Variants in SPG11 observed in about 807,000 individuals in gnomAD.
The protein encoded by SPG11 is spatacsin.
SPG11 carries 222 observed loss-of-function variants against 274.0 expected under a neutral mutation model. That is an observed-to-expected ratio of 0.81 (90% CI 0.73 to 0.91). SPG11 has a LOEUF of 0.91. SPG11 is among the 40% of genes least tolerant of loss of function. The pLI, the probability that SPG11 is intolerant of heterozygous loss-of-function variation, is 0.00. For missense variants in SPG11, 3,114 were observed against 2,872.7 expected, an observed-to-expected ratio of 1.08 and a Z score of -1.92; for synonymous variants, 1,144 against 1,039.7, an observed-to-expected ratio of 1.10 and a Z score of -1.93.
At chr15:44,589,186 TA>T in intron 28 of SPG11, 65 bp downstream of exon 28, 1 of 1,555,918 alleles carries the variant, frequency 6.4e-7, no homozygotes, top group Non-Finnish European at 8.8e-7. Context: ...ACTACCCCTC[TA>T]AAGTATTTTC....
chr15:44,624,306 A>G (rs191963614), intron 11 of SPG11, among the ~76,000 whole-genome samples: 1 of 151,514 alleles, frequency 6.6e-6, no homozygotes, highest in Non-Finnish European at 1.5e-5. Flanking sequence ...TGGGCAACAT[A>G]GTGAGACCCT....
Position 44,577,794 on chromosome 15 carries a change from T to A in SPG11, c.5867-2753A>T, listed in dbSNP as rs560359024. Among the ~76,000 whole-genome samples, 26 of 152,216 alleles carry A rather than the reference T, an allele frequency of 1.7e-4. No individual in the cohort carries two copies. The South Asian group carries it at 5.4e-3, about 32-fold the overall frequency. On this transcript the variant is annotated intron_variant, in intron 30 of 39. Coordinates refer to ENST00000261866, the MANE Select transcript of SPG11 (RefSeq NM_025137.4). ...CCCCTCTAGCAAGCTCTGGCCTGAA[T>A]GCAGCGCTGACTAAAACCTAAGAAC...
At chr15:44,601,409 T>C (rs952070793) in intron 20 of SPG11, among the ~76,000 whole-genome samples, 3 of 152,010 alleles carry the variant, frequency 2.0e-5, no homozygotes, top group Non-Finnish European at 4.4e-5. Flanking sequence ...CACAGGTGCA[T>C]GCCACCACAC....
intron 11 of SPG11, among the ~76,000 whole-genome samples, chr15:44,623,205 T>G (rs1020049623): frequency 6.6e-6 from 1 of 152,168 alleles, no homozygotes; most frequent in African/African-American, 2.4e-5. Flanking sequence ...TGCCTCAGCC[T>G]CCCAAGGTGC....
At chr15:44,598,044 C>G (rs1367749838) in intron 23 of SPG11, among the ~76,000 whole-genome samples, 1 of 152,196 alleles carries the variant, frequency 6.6e-6, no homozygotes, top group Non-Finnish European at 1.5e-5. Flanking sequence ...AAGTCCATCT[C>G]TAAAGAGAGA....
intron 6 of SPG11, 123 bp from the exon 7 acceptor site, chr15:44,649,134 G>A: frequency 1.3e-6 from 1 of 769,230 alleles, no homozygotes; most frequent in South Asian, 1.7e-5. Context: ...TATATTTACT[G>A]GATATCATGT....
chr15:44,639,202 C>T (rs2084368148), intron 7 of SPG11, among the ~76,000 whole-genome samples: 1 of 151,208 alleles, frequency 6.6e-6, no homozygotes, highest in Admixed American at 6.6e-5. Flanking sequence ...CATGATAAAA[C>T]CTCATAGCAG....
chr15:44,592,997 A>C (rs1056854546), intron 26 of SPG11, among the ~76,000 whole-genome samples: 79 of 152,148 alleles, frequency 5.2e-4, no homozygotes, highest in African/African-American at 1.9e-3. Context: ...AAAAAAAAAA[A>C]AGAAATGCTA....
Position 44,562,991 on chromosome 15 carries a change from C to G in SPG11, c.*130G>C. On this transcript the variant is annotated 3_prime_UTR_variant, in exon 40 of 40. Transcript: ENST00000261866. ...AAGTTTCTTACTTGCTACCTACTAC[C>G]CACAAAGGACTGATATGGTACAGTA... The G allele has an allele frequency of 1.2e-6, 1 of 858,434 alleles. No homozygotes were observed. Among genetic ancestry groups the G allele is most frequent in the Non-Finnish European group, 1.9e-6 (1 of 540,048 alleles). 53.2% of individuals were successfully genotyped at this position (858,434 alleles called of 1,614,324 possible).
intron 26 of SPG11, among the ~76,000 whole-genome samples, chr15:44,592,663 A>G (rs1444773741): frequency 6.6e-6 from 1 of 152,022 alleles, no homozygotes; most frequent in African/African-American, 2.4e-5. Flanking sequence ...TACTTAAAAT[A>G]TAAAAAAGTA....
chr15:44,599,756 T>G (rs1216414323), intron 21 of SPG11, among the ~76,000 whole-genome samples: 1 of 152,256 alleles, frequency 6.6e-6, no homozygotes, highest in East Asian at 1.9e-4. Flanking sequence ...TATATTTAGC[T>G]GTTCATTATA....
At chr15:44,571,990 C>T (rs536870476) in intron 33 of SPG11, among the ~76,000 whole-genome samples, 1 of 152,330 alleles carries the variant, frequency 6.6e-6, no homozygotes, top group East Asian at 1.9e-4. Context: ...GACAGGGTCT[C>T]ACTATGTTGC....
In SPG11 at chr15:44,583,841, C is replaced by T. The variant is rs751801619; in HGVS notation, c.5839G>A (p.Asp1947Asn). 33 of 1,614,006 alleles carry T rather than the reference C, an allele frequency of 2.0e-5. No homozygotes were observed. The highest frequency in any genetic ancestry group is 2.7e-5 in the African/African-American group (2 of 74,910). ...CTGTGGACTCTCCTTAGGGGAATGTCGGGTGCTTCTTCCTCAAGCAGCTCA... is the reference window on the plus strand; with the variant it reads ...CTGTGGACTCTCCTTAGGGGAATGTTGGGTGCTTCTTCCTCAAGCAGCTCA... ...SAELLEEEAP[D>N]IPLRRVHSTS... Residue 1947 changes from aspartate (D) to asparagine (N), a missense_variant, in exon 30 of 40, where the codon GAC becomes AAC. Coordinates refer to ENST00000261866, the MANE Select transcript of SPG11 (RefSeq NM_025137.4).
At chr15:44,567,366 A>T (rs946339877) in intron 36 of SPG11, 58 bp downstream of exon 36, 23 of 1,565,564 alleles carry the variant, frequency 1.5e-5, no homozygotes, top group Non-Finnish European at 1.9e-5. Context: ...AAAAAAAAAA[A>T]AGGAATTTTA....
rs2085073208 is a variant in SPG11 at position 44,660,498 on chromosome 15, C to A, written c.376G>T (p.Asp126Tyr). 1 of 1,614,128 alleles carries A rather than the reference C, an allele frequency of 6.2e-7. No individual in the cohort carries two copies. The highest frequency in any genetic ancestry group is 2.2e-5 in the East Asian group (1 of 44,874). ...CTACAGCTATACAAAATGGTTGCAT[C>A]ACATCTTCCATCTTTCAAATTAAAT... ...YEFNLKDGRCDATILYSCSRE... is the reference protein window; with the variant it reads ...YEFNLKDGRCYATILYSCSRE... The change falls in exon 2 of 40, where the codon GAT (aspartate) becomes TAT (tyrosine). Residue 126 changes from aspartate (D) to tyrosine (Y), a missense_variant. Physicochemically the swap from Asp to Tyr is radical, Grantham distance 160. Transcript: ENST00000261866.
At chr15:44,625,795 T>C (rs2083881531) in intron 11 of SPG11, among the ~76,000 whole-genome samples, 1 of 152,124 alleles carries the variant, frequency 6.6e-6, no homozygotes, top group Non-Finnish European at 1.5e-5. Flanking sequence ...TTTCCCTGCC[T>C]CAGCCTCCCC....
At chr15:44,625,411 T>C (rs1230038430) in intron 11 of SPG11, among the ~76,000 whole-genome samples, 2 of 152,112 alleles carry the variant, frequency 1.3e-5, no homozygotes, top group African/African-American at 2.4e-5. Flanking sequence ...GACTGGATCA[T>C]GGGGGCGGAT....
chr15:44,593,060 C>A (rs930302584), intron 26 of SPG11, among the ~76,000 whole-genome samples: 4 of 152,034 alleles, frequency 2.6e-5, no homozygotes, highest in African/African-American at 9.7e-5. Flanking sequence ...AATATAATTT[C>A]TTTTCCTTTT....
intron 14 of SPG11, 53 bp downstream of exon 14, chr15:44,621,705 AC>A: frequency 2.0e-6 from 3 of 1,504,606 alleles, no homozygotes; most frequent in African/African-American, 1.4e-5. Context: ...AAATATCAAT[AC>A]CCAATTTAAT....
Sources: gnomAD v4.1 joint callset for allele counts (sites outside exome capture counted in the v4.1 genomes callset) on GRCh38, gnomAD v4.1.1 for gene constraint, MANE v1.5 for transcripts, NCBI Gene and HGNC (gene_info 2026-07-23, HGNC 2026-07-21) for gene names.